ARHGAP15: variants seen among roughly 807,000 people sequenced by gnomAD.
ARHGAP15 encodes Rho GTPase activating protein 15, also known as rho GTPase-activating protein 15.
Under a neutral mutation model 63.7 loss-of-function variants are expected in ARHGAP15, and 51 were observed. That is an observed-to-expected ratio of 0.80 (90% CI 0.64 to 1.01). The LOEUF (loss-of-function observed/expected upper bound fraction) is 1.01, where lower values mean the gene tolerates loss of function less well. Among genes scored for constraint, ARHGAP15 ranks in the 50% least tolerant of loss-of-function variants. The pLI is 0.00. For synonymous variants in ARHGAP15, 191 were observed against 193.8 expected, an observed-to-expected ratio of 0.99 and a Z score of 0.12; for missense variants, 560 against 564.6, an observed-to-expected ratio of 0.99 and a Z score of 0.08.
intron 6 of ARHGAP15, among the ~76,000 whole-genome samples, chr2:143,432,846 A>G (rs1055360032): frequency 1.3e-5 from 2 of 151,994 alleles, no homozygotes; most frequent in African/African-American, 4.8e-5. Context: ...TTCAAGAAAC[A>G]TTTGCCTAAA....
chr2:143,702,028 A>G (rs1436290539), intron 12 of ARHGAP15, among the ~76,000 whole-genome samples: 2 of 152,186 alleles, frequency 1.3e-5, no homozygotes, highest in Non-Finnish European at 2.9e-5. Context: ...AGCTGGGTCT[A>G]TTACCATCCT....
intron 9 of ARHGAP15, among the ~76,000 whole-genome samples, chr2:143,504,105 A>G (rs931773600): frequency 6.6e-6 from 1 of 152,206 alleles, no homozygotes; most frequent in Non-Finnish European, 1.5e-5. Context: ...CATTTGAGGT[A>G]CACAATCGTA....
At chr2:143,750,087 C>T (rs1024117037) in intron 13 of ARHGAP15, among the ~76,000 whole-genome samples, 17 of 152,212 alleles carry the variant, frequency 1.1e-4, no homozygotes, top group Admixed American at 1.0e-3. Context: ...GAGTTCTAAT[C>T]TCCCTTTCCA....
intron 11 of ARHGAP15, among the ~76,000 whole-genome samples, chr2:143,562,722 A>G (rs182744132): frequency 6.6e-6 from 1 of 152,350 alleles, no homozygotes; most frequent in East Asian, 1.9e-4. Flanking sequence ...TTTCAGCTAC[A>G]TTGAGTCAGG....
intron 12 of ARHGAP15, among the ~76,000 whole-genome samples, chr2:143,686,798 T>C (rs941584247): frequency 6.6e-6 from 1 of 152,172 alleles, no homozygotes; most frequent in African/African-American, 2.4e-5. Flanking sequence ...TCCTACTGTT[T>C]CAAATTAGTG....
chr2:143,486,467 T>G (rs574099456), intron 8 of ARHGAP15, among the ~76,000 whole-genome samples: 2 of 150,278 alleles, frequency 1.3e-5, no homozygotes, highest in Admixed American at 1.3e-4. Flanking sequence ...CTTGGGAGGC[T>G]GGGGTGGGAG....
At chr2:143,367,636 T>C (rs1329462513) in intron 6 of ARHGAP15, among the ~76,000 whole-genome samples, 2 of 152,080 alleles carry the variant, frequency 1.3e-5, no homozygotes, top group African/African-American at 4.8e-5. Flanking sequence ...ATATTTCTTC[T>C]TGTAACCTCC....
At chr2:143,255,020 A>C (rs1333051086) in intron 6 of ARHGAP15, among the ~76,000 whole-genome samples, 43 of 152,110 alleles carry the variant, frequency 2.8e-4, no homozygotes. Flanking sequence ...AAGATAATTA[A>C]ATCATTTTTA....
chr2:143,519,661 A>G (rs1438448107), intron 10 of ARHGAP15, among the ~76,000 whole-genome samples: 2 of 152,228 alleles, frequency 1.3e-5, no homozygotes, highest in East Asian at 1.9e-4. Context: ...ATAAAATATC[A>G]GCACTCACAG....
chr2:143,411,797 A>G (rs1302894229), intron 6 of ARHGAP15, among the ~76,000 whole-genome samples: 1 of 152,254 alleles, frequency 6.6e-6, no homozygotes, highest in Non-Finnish European at 1.5e-5. Flanking sequence ...AAAATCTATT[A>G]TAAGAAAAAT....
chr2:143,767,518 A>T (rs2072959686), intron 13 of ARHGAP15, among the ~76,000 whole-genome samples: 1 of 152,210 alleles, frequency 6.6e-6, no homozygotes, highest in Non-Finnish European at 1.5e-5. Context: ...TATTCCAGTT[A>T]GCATTTGCCA....
rs564454496 is a variant in ARHGAP15 at position 143,649,230 on chromosome 2, C to T, written c.1138+24963C>T. 8.5e-5 allele frequency among the ~76,000 whole-genome samples: 13 copies of T among 152,048 alleles called. 1 individual carries two copies. Among genetic ancestry groups the T allele is most frequent in the East Asian group, 5.8e-4 (3 of 5,162 alleles). On this transcript the variant is annotated intron_variant, in intron 12 of 13. Coordinates refer to ENST00000295095, the MANE Select transcript of ARHGAP15 (RefSeq NM_018460.4). ...ATAACCAGCATGTGGTTCTATATTT[C>T]GATGTTTGCTGAAGAAGCAAGACAC... is the stretch of plus-strand genomic sequence containing the variant.
chr2:143,619,837 G>A (rs973669907), intron 11 of ARHGAP15, among the ~76,000 whole-genome samples: 9 of 152,128 alleles, frequency 5.9e-5, no homozygotes, highest in African/African-American at 2.2e-4. Context: ...CTTCTCCCAT[G>A]ATTGGAAGTT....
intron 6 of ARHGAP15, among the ~76,000 whole-genome samples, chr2:143,318,753 A>G (rs1683853924): frequency 6.6e-6 from 1 of 152,088 alleles, no homozygotes; most frequent in Non-Finnish European, 1.5e-5. Flanking sequence ...CTCAGTCTCT[A>G]TGCCTGAGTA....
At chr2:143,176,694 C>T (rs1006746134) in intron 2 of ARHGAP15, among the ~76,000 whole-genome samples, 1 of 152,208 alleles carries the variant, frequency 6.6e-6, no homozygotes, top group African/African-American at 2.4e-5. Context: ...TCATGATCTA[C>T]TGATAAACCA....
intron 12 of ARHGAP15, among the ~76,000 whole-genome samples, chr2:143,634,347 A>G (rs1680197804): frequency 6.6e-6 from 1 of 152,056 alleles, no homozygotes; most frequent in South Asian, 2.1e-4. Flanking sequence ...TCCTGTCTCC[A>G]CCATTTACTA....
chr2:143,346,311 C>G (rs1314130914), intron 6 of ARHGAP15, among the ~76,000 whole-genome samples: 2 of 151,512 alleles, frequency 1.3e-5, no homozygotes, highest in Non-Finnish European at 2.9e-5. Flanking sequence ...ACATTGAACA[C>G]TCGGAAGCTC....
chr2:143,170,132 T>C (rs1690714562), intron 2 of ARHGAP15, among the ~76,000 whole-genome samples: 1 of 149,770 alleles, frequency 6.7e-6, no homozygotes. Flanking sequence ...TTCTGAACCA[T>C]TATATTTTAA....
intron 12 of ARHGAP15, among the ~76,000 whole-genome samples, chr2:143,647,804 G>A (rs1680960893): frequency 6.6e-6 from 1 of 151,910 alleles, no homozygotes; most frequent in Non-Finnish European, 1.5e-5. Flanking sequence ...AGATTTATAT[G>A]GTATCATTGA....
Sources: allele counts gnomAD v4.1 joint callset (sites outside exome capture counted in the v4.1 genomes callset), GRCh38; gene constraint gnomAD v4.1.1; transcripts MANE v1.5; gene names NCBI Gene and HGNC (gene_info 2026-07-23, HGNC 2026-07-21).